DENND2C: variants seen among roughly 807,000 people sequenced by gnomAD.
The protein encoded by DENND2C is DENN domain containing 2C.
A neutral mutation model predicts 112.4 loss-of-function variants in DENND2C; 72 were observed. The ratio of observed to expected loss-of-function variants is 0.64; its 90% CI spans 0.53 to 0.78. The LOEUF is 0.78. DENND2C is among the 30% of genes least tolerant of loss of function. The pLI, the probability that DENND2C is intolerant of heterozygous loss-of-function variation, is 0.00. For synonymous variants in DENND2C, 329 were observed against 381.6 expected, an observed-to-expected ratio of 0.86 and a Z score of 1.61; for missense variants, 992 against 1,113.8, an observed-to-expected ratio of 0.89 and a Z score of 1.56.
rs766097939 is a variant in DENND2C at position 114,587,414 on chromosome 1, C to CA, written c.2727dup (p.Gly910TrpfsTer4). ...AGACTCCGCAAAATTCTATTCATCC[C>CA]ACTGGGCTCCGACTCAGGAATTGTT... On this transcript the variant is annotated frameshift_variant, in exon 20 of 21. Transcript: ENST00000393274. LOFTEE classifies it high-confidence loss of function. 1 of 1,614,150 alleles carries CA rather than the reference C, an allele frequency of 6.2e-7. No homozygotes were observed. Among genetic ancestry groups the CA allele is most frequent in the Admixed American group, 1.7e-5 (1 of 60,026 alleles).
intron 3 of DENND2C, among the ~76,000 whole-genome samples, chr1:114,630,722 A>G (rs1656466895): frequency 6.6e-6 from 1 of 152,222 alleles, no homozygotes; most frequent in Non-Finnish European, 1.5e-5. Context: ...GTCCCCTTGA[A>G]TCTTTGGTTG....
intron 19 of DENND2C, 67 bp from the exon 20 acceptor site, chr1:114,587,540 G>A: frequency 1.3e-6 from 2 of 1,570,214 alleles, no homozygotes; most frequent in East Asian, 2.2e-5. Context: ...ATAAAATTCT[G>A]TGCTTATAAC....
intron 1 of DENND2C, among the ~76,000 whole-genome samples, chr1:114,659,601 T>C (rs1218081215): frequency 6.6e-6 from 1 of 152,200 alleles, no homozygotes; most frequent in African/African-American, 2.4e-5. Flanking sequence ...GTCATAACAA[T>C]GTCTTTTGGA....
intron 3 of DENND2C, among the ~76,000 whole-genome samples, chr1:114,630,043 G>A: frequency 6.6e-6 from 1 of 152,168 alleles, no homozygotes; most frequent in Non-Finnish European, 1.5e-5. Context: ...GGCTGGGCGT[G>A]GTGGCTCACG....
chr1:114,623,724 G>T lies in DENND2C; in HGVS notation c.807-81C>A, dbSNP rs113405787. ...TTTTAAAATTTTTATTTATTTATTT[G>T]TTTGATTGTTTGTTTTATTATTATT... On this transcript the variant is annotated intron_variant, in intron 4 of 20. Coordinates refer to ENST00000393274, the MANE Select transcript of DENND2C (RefSeq NM_001256404.2). 150 of 986,144 alleles carry T rather than the reference G, an allele frequency of 1.5e-4. No homozygotes were observed. The Middle Eastern group carries it at 2.4e-3, about 15-fold the overall frequency. 61.1% of individuals were successfully genotyped at this position (986,144 alleles called of 1,614,324 possible).
intron 1 of DENND2C, among the ~76,000 whole-genome samples, chr1:114,669,666 G>C (rs1198372490): frequency 6.6e-6 from 1 of 152,144 alleles, no homozygotes; most frequent in East Asian, 1.9e-4. Context: ...CCCCAGCAGA[G>C]AGCGGCGCCC....
Position 114,625,506 on chromosome 1 carries a change from T to C in DENND2C, c.479A>G (p.Lys160Arg). Residue 160 changes from lysine (K) to arginine (R), a missense_variant, in exon 4 of 21, where the codon AAA (lysine) becomes AGA (arginine). Lys to Arg is a conservative substitution (Grantham distance 26, BLOSUM62 2). Around this residue, in one of 3 missense-constraint regions of DENND2C, gnomAD observed 470 missense variants for 472.7 expected, o/e 0.99. Coordinates refer to ENST00000393274, the MANE Select transcript of DENND2C (RefSeq NM_001256404.2). ...WKKIEALPPD[K>R]LLNLALEHCD... ...ATGTTCTAAAGCCAAATTTAAGAGTTTATCTGGGGGAAGTGCTTCTATTTT... is the reference window on the plus strand; with the variant it reads ...ATGTTCTAAAGCCAAATTTAAGAGTCTATCTGGGGGAAGTGCTTCTATTTT... 2 of 1,614,082 alleles carry C rather than the reference T, an allele frequency of 1.2e-6. No individual in the cohort carries two copies. The highest frequency in any genetic ancestry group is 1.7e-6 in the Non-Finnish European group (2 of 1,179,998).
In DENND2C at chr1:114,651,817, T is replaced by G. The variant is rs540890872; in HGVS notation, c.-317+2688A>C. On this transcript the variant is annotated intron_variant, in intron 2 of 20. Transcript: ENST00000393274. ...CCCTAATTAGGCAAAGCAGAGTAAGTAAGGCAGGCACACTTGCCTCATGCT... is the reference window on the plus strand; with the variant it reads ...CCCTAATTAGGCAAAGCAGAGTAAGGAAGGCAGGCACACTTGCCTCATGCT... 2.0e-5 allele frequency among the ~76,000 whole-genome samples: 3 copies of G among 152,316 alleles called. No individual in the cohort carries two copies. In the East Asian group the frequency reaches 5.8e-4, roughly 29 times the overall value.
chr1:114,590,958 A>C (rs1003411987), intron 18 of DENND2C, among the ~76,000 whole-genome samples: 2 of 151,604 alleles, frequency 1.3e-5, no homozygotes, highest in Non-Finnish European at 2.9e-5. Flanking sequence ...CCAACACTTG[A>C]TATTGTCAGA....
rs192322793 is a variant in DENND2C at position 114,651,455 on chromosome 1, A to T, written c.-317+3050T>A. Among the ~76,000 whole-genome samples the T allele has an allele frequency of 6.6e-5, 10 of 152,170 alleles. No individual in the cohort carries two copies. In the East Asian group the frequency reaches 1.9e-3, roughly 29 times the overall value. ...CAATGGAGCAAGACTGTCCCTAAAA[A>T]TAAAAAATAAAAGTAAAAAGTGCCT... On this transcript the variant is annotated intron_variant, in intron 2 of 20. Coordinates refer to ENST00000393274, the MANE Select transcript of DENND2C (RefSeq NM_001256404.2).
At chr1:114,591,574 T>C (rs1655189729) in intron 18 of DENND2C, among the ~76,000 whole-genome samples, 1 of 152,202 alleles carries the variant, frequency 6.6e-6, no homozygotes, top group African/African-American at 2.4e-5. Context: ...GTTTTTAAAA[T>C]CTCTTTTCCA....
At chr1:114,631,124 C>A (rs538489382) in intron 3 of DENND2C, among the ~76,000 whole-genome samples, 2 of 152,246 alleles carry the variant, frequency 1.3e-5, no homozygotes, top group East Asian at 3.9e-4. Context: ...GCCTGTAATC[C>A]CAGCACTTTG....
chr1:114,652,715 A>G (rs946203886), intron 2 of DENND2C, among the ~76,000 whole-genome samples: 2 of 139,368 alleles, frequency 1.4e-5, no homozygotes, highest in African/African-American at 5.5e-5. Flanking sequence ...TCATTGCCCA[A>G]CCTGAAGTGT....
Position 114,635,875 on chromosome 1 carries a change from G to A in DENND2C, c.-205+9573C>T, listed in dbSNP as rs141545605. On this transcript the variant is annotated intron_variant, in intron 3 of 20. Transcript: ENST00000393274. ...ATAAAAAGTAGCCAGGCATAGTGGC[G>A]TGCACCTATAATCCCAGTTTCTTGA... Among the ~76,000 whole-genome samples, 417 of 152,000 alleles carry A rather than the reference G, an allele frequency of 2.7e-3. 2 individuals are homozygous for A. Among genetic ancestry groups the A allele is most frequent in the African/African-American group, 4.9e-3 (203 of 41,472 alleles).
At chr1:114,622,737 C>T (rs545771076) in intron 6 of DENND2C, among the ~76,000 whole-genome samples, 1 of 149,366 alleles carries the variant, frequency 6.7e-6, no homozygotes, top group South Asian at 2.1e-4. Flanking sequence ...CTATAGTAAA[C>T]TGAAAAGTTC....
At chr1:114,634,343 T>A (rs565860650) in intron 3 of DENND2C, among the ~76,000 whole-genome samples, 2 of 152,308 alleles carry the variant, frequency 1.3e-5, no homozygotes, top group East Asian at 1.9e-4. Flanking sequence ...TTCTTTTTTT[T>A]ATTTTTTTGA....
intron 20 of DENND2C, 78 bp from the exon 21 acceptor site, chr1:114,585,709 G>A (rs1655021708): frequency 3.4e-6 from 5 of 1,452,234 alleles, no homozygotes; most frequent in Admixed American, 1.7e-5. Flanking sequence ...GGGATTAACA[G>A]GTCAGTCATT....
At chr1:114,640,054 A>C (rs1193959326) in intron 3 of DENND2C, among the ~76,000 whole-genome samples, 1 of 152,240 alleles carries the variant, frequency 6.6e-6, no homozygotes, top group Non-Finnish European at 1.5e-5. Flanking sequence ...AGCTGGGAGA[A>C]AGAGGACACA....
chr1:114,660,831 T>C (rs1379289265), intron 1 of DENND2C, among the ~76,000 whole-genome samples: 3 of 152,038 alleles, frequency 2.0e-5, no homozygotes, highest in Admixed American at 6.6e-5. Context: ...AAGAAAATCC[T>C]GCCGGGCGTG....
Sources: gnomAD v4.1 joint callset for allele counts (sites outside exome capture counted in the v4.1 genomes callset) on GRCh38, gnomAD v4.1.1 for gene constraint, gnomAD v4.1.1 regional missense constraint, MANE v1.5 for transcripts, NCBI Gene and HGNC (gene_info 2026-07-23, HGNC 2026-07-21) for gene names.